The following KALRN variants were observed in gnomAD, a reference collection of about 807,000 sequenced individuals.
KALRN encodes the protein kalirin.
KALRN carries 70 observed loss-of-function variants against 353.7 expected under a neutral mutation model. The observed-to-expected ratio is 0.20, with a 90% CI of 0.16 to 0.24. The LOEUF is 0.24. KALRN is among the 10% of genes least tolerant of loss of function. KALRN has a pLI of 1.00. For synonymous variants in KALRN, 1,391 were observed against 1,434.8 expected, an observed-to-expected ratio of 0.97 and a Z score of 0.69; for missense variants, 2,791 against 3,756.7, an observed-to-expected ratio of 0.74 and a Z score of 6.72.
chr3:124,293,646 A>G (rs185366586), intron 5 of KALRN, among the ~76,000 whole-genome samples: 11 of 152,336 alleles, frequency 7.2e-5, no homozygotes, highest in African/African-American at 2.2e-4. Context: ...AAAAAACCCC[A>G]AATGACTTAC....
At chr3:124,438,793 A>C in intron 17 of KALRN, 95 bp from the exon 18 acceptor site, 1 of 1,075,358 alleles carries the variant, frequency 9.3e-7, no homozygotes, top group South Asian at 2.1e-5. Flanking sequence ...TCTAATGAAA[A>C]ATGTCATATG....
chr3:124,592,226 C>T (rs993053775), intron 34 of KALRN, among the ~76,000 whole-genome samples: 3 of 150,170 alleles, frequency 2.0e-5, no homozygotes, highest in East Asian at 3.9e-4. Context: ...TGCTTGAACC[C>T]GGGAAGCAGA....
chr3:124,065,148 G>C (rs1304339486), intron 1 of KALRN, among the ~76,000 whole-genome samples: 1 of 152,190 alleles, frequency 6.6e-6, no homozygotes, highest in Non-Finnish European at 1.5e-5. Flanking sequence ...TCTGGAGTAA[G>C]AGAGAAGGTT....
At chr3:124,717,502 C>G (rs564524050) in intron 59 of KALRN, 117 bp downstream of exon 59, 1 of 540,140 alleles carries the variant, frequency 1.9e-6, no homozygotes, top group Non-Finnish European at 3.0e-6. Flanking sequence ...CTGGCTGACA[C>G]GGTGAAACCC....
intron 3 of KALRN, among the ~76,000 whole-genome samples, chr3:124,242,831 C>T (rs1560336324): frequency 6.6e-6 from 1 of 152,060 alleles, no homozygotes; most frequent in Non-Finnish European, 1.5e-5. Context: ...GTTCCTCCCC[C>T]AGGTGTTTGT....
In KALRN at chr3:124,482,975, A is replaced by G. The variant is rs2062143575; in HGVS notation, c.4284+75A>G. ...AAGGGAGTCCCAGCTTTGGCCCCTA[A>G]GGATAGGAATGCTTCCACCTGAAGA... On this transcript the variant is annotated intron_variant, in intron 28 of 59. Transcript: ENST00000682506. 7.9e-6 allele frequency: 8 copies of G among 1,011,714 alleles called. No individual in the cohort carries two copies. In the Middle Eastern group the frequency reaches 6.5e-4, roughly 82 times the overall value. The allele number at this position is 1,011,714 out of a possible 1,614,324, so 62.7% of individuals were successfully genotyped here.
intron 10 of KALRN, among the ~76,000 whole-genome samples, chr3:124,349,334 A>T (rs890050171): frequency 1.8e-4 from 28 of 152,180 alleles, no homozygotes; most frequent in South Asian, 4.1e-4. Context: ...AGGAATGGGG[A>T]GCTATTGTTT....
chr3:124,494,459 T>G (rs2063503080), intron 32 of KALRN, among the ~76,000 whole-genome samples: 1 of 152,208 alleles, frequency 6.6e-6, no homozygotes, highest in African/African-American at 2.4e-5. Flanking sequence ...TGTCTACACA[T>G]GGTGGGGAGC....
intron 34 of KALRN, among the ~76,000 whole-genome samples, chr3:124,565,549 C>T (rs887289537): frequency 2.6e-5 from 4 of 152,186 alleles, no homozygotes; most frequent in Non-Finnish European, 5.9e-5. Context: ...ACTACACACT[C>T]CCACAAGTCC....
At chr3:124,108,335 T>C (rs1467043710) in intron 1 of KALRN, among the ~76,000 whole-genome samples, 2 of 152,210 alleles carry the variant, frequency 1.3e-5, no homozygotes, top group Non-Finnish European at 2.9e-5. Context: ...TAATATCTCC[T>C]CCAGGAAAAT....
In KALRN at chr3:124,625,790, T is replaced by C. The variant is rs957467882; in HGVS notation, c.5183-6630T>C. ...CCTATGAAAGAATATTATTCAACAATTAACATGAGGCTGGGCACGGTGGCT... is the reference window on the plus strand; with the variant it reads ...CCTATGAAAGAATATTATTCAACAACTAACATGAGGCTGGGCACGGTGGCT... On this transcript the variant is annotated intron_variant, in intron 34 of 59. Transcript: ENST00000682506. Among the ~76,000 whole-genome samples, 19 of 152,220 alleles carry C rather than the reference T, an allele frequency of 1.2e-4. 1 individual carries two copies. The East Asian group carries it at 3.7e-3, about 29-fold the overall frequency.
At chr3:124,333,607 C>A (rs553224923) in intron 8 of KALRN, among the ~76,000 whole-genome samples, 45 of 152,174 alleles carry the variant, frequency 3.0e-4, no homozygotes, top group African/African-American at 1.0e-3. Context: ...GTTTACCAAG[C>A]CTGGGCACTG....
At chr3:124,122,487 T>C (rs1262194985) in intron 1 of KALRN, among the ~76,000 whole-genome samples, 1 of 152,268 alleles carries the variant, frequency 6.6e-6, no homozygotes, top group African/African-American at 2.4e-5. Context: ...CAACCCTGCA[T>C]TGAGCAAGTC....
chr3:124,448,779 G>T (rs1327711179), intron 21 of KALRN, among the ~76,000 whole-genome samples: 1 of 152,166 alleles, frequency 6.6e-6, no homozygotes, highest in Non-Finnish European at 1.5e-5. Flanking sequence ...TATATAAGCC[G>T]ACAGGATACT....
intron 58 of KALRN, among the ~76,000 whole-genome samples, chr3:124,714,692 G>GTAGTTTATAGGAGGCAGAGGTA (rs2063049383): frequency 6.6e-6 from 1 of 152,162 alleles, no homozygotes; most frequent in Non-Finnish European, 1.5e-5. Context: ...AGTTATAAGG[G>GTAGTTTATAGGAGGCAGAGGTA]TAGTTTATAG....
At chr3:124,462,686 A>G in intron 25 of KALRN, 53 bp downstream of exon 25, 1 of 1,039,204 alleles carries the variant, frequency 9.6e-7, no homozygotes, top group Non-Finnish European at 1.5e-6. Flanking sequence ...AAAACCAGAC[A>G]ACAGGGTTCC....
chr3:124,536,846 C>G (rs1250549518), intron 33 of KALRN, among the ~76,000 whole-genome samples: 1 of 152,140 alleles, frequency 6.6e-6, no homozygotes, highest in Non-Finnish European at 1.5e-5. Flanking sequence ...AATATACACT[C>G]TACACTTATT....
chr3:124,703,606 G>A (rs535957838), intron 57 of KALRN, among the ~76,000 whole-genome samples: 2 of 151,024 alleles, frequency 1.3e-5, no homozygotes, highest in South Asian at 4.2e-4. Context: ...ACAGGCCTGA[G>A]CCATTGCACC....
Position 124,702,089 on chromosome 3 carries a change from C to T in KALRN, c.8048C>T (p.Ala2683Val), listed in dbSNP as rs773371256. 35 of 1,613,348 alleles carry T rather than the reference C, an allele frequency of 2.2e-5. No individual in the cohort carries two copies. The East Asian group carries it at 7.4e-4, about 34-fold the overall frequency. ...TISWKENFDS[A>V]YTELNEIGRG... is the part of the protein sequence containing the mutation. ...TCTTGGAAGGAAAATTTTGACTCAGCTTACACTGAGCTGAATGAAATTGGA... is the reference window on the plus strand; with the variant it reads ...TCTTGGAAGGAAAATTTTGACTCAGTTTACACTGAGCTGAATGAAATTGGA... The change falls in exon 57 of 60, where the codon GCT becomes GTT. Residue 2683 changes from alanine to valine, a missense_variant. By Grantham distance (64) the Ala-to-Val change is moderately conservative (BLOSUM62 0). Around this residue, in one of 11 missense-constraint regions of KALRN, gnomAD observed 188 missense variants for 402.9 expected, o/e 0.47. Transcript: ENST00000682506.
Sources: gnomAD v4.1 joint callset for allele counts (sites outside exome capture counted in the v4.1 genomes callset) on GRCh38, gnomAD v4.1.1 for gene constraint, gnomAD v4.1.1 regional missense constraint, MANE v1.5 for transcripts, NCBI Gene and HGNC (gene_info 2026-07-23, HGNC 2026-07-21) for gene names.